Variants in KCNQ5 observed in about 807,000 individuals in gnomAD.
KCNQ5 encodes the protein potassium voltage-gated channel subfamily Q member 5, also known as potassium voltage-gated channel subfamily KQT member 5.
Under a neutral mutation model 98.2 loss-of-function variants are expected in KCNQ5, and 30 were observed. The observed-to-expected ratio is 0.31, with a 90% CI of 0.23 to 0.41. The LOEUF is 0.41. Ranked by LOEUF, KCNQ5 falls within the 10% of genes least tolerant of loss-of-function variation. KCNQ5 has a pLI of 1.00. For missense variants in KCNQ5, 835 were observed against 1,182.5 expected, an observed-to-expected ratio of 0.71 and a Z score of 4.31; for synonymous variants, 458 against 449.4, an observed-to-expected ratio of 1.02 and a Z score of -0.24.
At chr6:72,804,946 T>C (rs1467546369) in intron 1 of KCNQ5, among the ~76,000 whole-genome samples, 1 of 152,180 alleles carries the variant, frequency 6.6e-6, no homozygotes, top group Non-Finnish European at 1.5e-5. Flanking sequence ...ATATACCTGT[T>C]TGCAATTTGT....
chr6:73,072,909 T>C (rs976184147), intron 3 of KCNQ5, among the ~76,000 whole-genome samples: 5 of 152,148 alleles, frequency 3.3e-5, no homozygotes, highest in Admixed American at 6.5e-5. Flanking sequence ...TTTTTTTTAT[T>C]CATGTGACTT....
intron 1 of KCNQ5, among the ~76,000 whole-genome samples, chr6:72,696,916 T>G (rs1768535992): frequency 6.6e-6 from 1 of 152,228 alleles, no homozygotes; most frequent in African/African-American, 2.4e-5. Context: ...TGCCACATAT[T>G]AGTAGCTCTA....
At chr6:72,667,957 T>C (rs1232325280) in intron 1 of KCNQ5, among the ~76,000 whole-genome samples, 1 of 152,148 alleles carries the variant, frequency 6.6e-6, no homozygotes, top group African/African-American at 2.4e-5. Context: ...TAAGGAGATA[T>C]GACGAACAAT....
chr6:72,883,382 A>G (rs1316947531), intron 1 of KCNQ5, among the ~76,000 whole-genome samples: 2 of 152,126 alleles, frequency 1.3e-5, no homozygotes, highest in Non-Finnish European at 2.9e-5. Flanking sequence ...TATAACATGA[A>G]AAATCCTGAT....
At chr6:72,946,950 G>A (rs1355441168) in intron 1 of KCNQ5, among the ~76,000 whole-genome samples, 1 of 152,134 alleles carries the variant, frequency 6.6e-6, no homozygotes, top group Admixed American at 6.6e-5. Flanking sequence ...AGACTTTTGA[G>A]TCTGATGGTC....
intron 1 of KCNQ5, among the ~76,000 whole-genome samples, chr6:72,920,266 T>C (rs1438788861): frequency 6.6e-6 from 1 of 152,096 alleles, no homozygotes; most frequent in Non-Finnish European, 1.5e-5. Context: ...CACTCCAGCC[T>C]GGACAACAGA....
rs372081488 is a variant in KCNQ5, at chr6:72,857,605, G to T, written c.399-146303G>T. Among the ~76,000 whole-genome samples the T allele has an allele frequency of 2.0e-5, 3 of 152,272 alleles. No individual in the cohort carries two copies. The East Asian group carries it at 5.8e-4, about 29-fold the overall frequency. ...AACTAAAAGACCTTAGAATGTAAGT[G>T]AGCATCTATCCAGTGAAATAATTTG... On this transcript the variant is annotated intron_variant, in intron 1 of 13. Transcript: ENST00000370398.
chr6:73,041,840 G>A, intron 2 of KCNQ5, 96 bp from the exon 3 acceptor site: 1 of 1,378,386 alleles, frequency 7.3e-7, no homozygotes, highest in Non-Finnish European at 1.0e-6. Flanking sequence ...AGATCCTTTA[G>A]ACAAAGTGCC....
intron 3 of KCNQ5, among the ~76,000 whole-genome samples, chr6:73,057,467 C>T (rs986207365): frequency 6.6e-6 from 1 of 151,414 alleles, no homozygotes; most frequent in Non-Finnish European, 1.5e-5. Flanking sequence ...TACCTTAGAA[C>T]TTAAAGTATA....
intron 2 of KCNQ5, among the ~76,000 whole-genome samples, chr6:73,016,350 G>C (rs1430228659): frequency 6.6e-6 from 1 of 151,958 alleles, no homozygotes; most frequent in African/African-American, 2.4e-5. Context: ...ACTGAAGGAG[G>C]GTAAGCCAGG....
intron 1 of KCNQ5, among the ~76,000 whole-genome samples, chr6:72,994,956 G>GA (rs1769216514): frequency 6.6e-6 from 1 of 152,050 alleles, no homozygotes; most frequent in Admixed American, 6.6e-5. Context: ...ACCAGAGAGA[G>GA]AAAAAATATC....
At chr6:72,996,170 C>T (rs1240342985) in intron 1 of KCNQ5, among the ~76,000 whole-genome samples, 2 of 152,124 alleles carry the variant, frequency 1.3e-5, no homozygotes, top group African/African-American at 4.8e-5. Context: ...AATGATAGAA[C>T]AGTGCAAAGA....
At chr6:72,954,556 TG>T (rs1209164282) in intron 1 of KCNQ5, among the ~76,000 whole-genome samples, 43 of 151,920 alleles carry the variant, frequency 2.8e-4, no homozygotes, top group South Asian at 8.3e-4. Context: ...TGTGTGTGTG[TG>T]TGTGTGTTGA....
intron 2 of KCNQ5, among the ~76,000 whole-genome samples, chr6:73,030,752 G>C (rs1283365815): frequency 1.3e-5 from 2 of 152,168 alleles, no homozygotes; most frequent in African/African-American, 4.8e-5. Flanking sequence ...GGGAAACAAA[G>C]CAAGATTGTA....
In KCNQ5 at chr6:73,193,106, C is replaced by T. The variant is rs559550164; in HGVS notation, c.1836+415C>T. Among the ~76,000 whole-genome samples the T allele has an allele frequency of 1.1e-4, 16 of 150,950 alleles. No individual in the cohort carries two copies. In the East Asian group the frequency reaches 2.6e-3, roughly 24 times the overall value. On this transcript the variant is annotated intron_variant, in intron 13 of 13. Transcript: ENST00000370398. ...CATGCTCCCAGCTCACTGCAACCTC[C>T]GCCTCCTGGGTTCAAGTGATTCTCG...
intron 10 of KCNQ5, among the ~76,000 whole-genome samples, chr6:73,153,639 A>G (rs1777238146): frequency 6.6e-6 from 1 of 152,114 alleles, no homozygotes; most frequent in African/African-American, 2.4e-5. Context: ...ACATATGAGG[A>G]CATTTTTTCA....
At chr6:72,731,841 A>G (rs538054999) in intron 1 of KCNQ5, among the ~76,000 whole-genome samples, 12 of 152,306 alleles carry the variant, frequency 7.9e-5, no homozygotes, top group Admixed American at 7.8e-4. Flanking sequence ...CAAACCTTCA[A>G]AAAATTATAT....
At chr6:73,085,366 C>A (rs1773943384) in intron 5 of KCNQ5, among the ~76,000 whole-genome samples, 1 of 152,170 alleles carries the variant, frequency 6.6e-6, no homozygotes, top group Non-Finnish European at 1.5e-5. Flanking sequence ...CACACCAACT[C>A]CCTCTCTGGC....
intron 1 of KCNQ5, among the ~76,000 whole-genome samples, chr6:72,881,006 T>C (rs1312581154): frequency 6.6e-6 from 1 of 152,238 alleles, no homozygotes; most frequent in Admixed American, 6.5e-5. Context: ...GACAAGATTC[T>C]GTATACAACT....
Sources: allele counts gnomAD v4.1 joint callset (sites outside exome capture counted in the v4.1 genomes callset), GRCh38; gene constraint gnomAD v4.1.1; transcripts MANE v1.5; gene names NCBI Gene and HGNC (gene_info 2026-07-23, HGNC 2026-07-21).